The following APOBEC3D variants were observed in gnomAD, a reference collection of about 807,000 sequenced individuals.
The protein encoded by APOBEC3D is apolipoprotein B mRNA editing enzyme catalytic subunit 3D.
A neutral mutation model predicts 45.6 loss-of-function variants in APOBEC3D; 37 were observed. That is an observed-to-expected ratio of 0.81 (90% CI 0.62 to 1.07). The LOEUF is 1.07. Among genes scored for constraint, APOBEC3D ranks in the 50% least tolerant of loss-of-function variants. The probability of loss-of-function intolerance (pLI) is 0.00; values close to 1 mark genes in which losing one functional copy is unlikely to be tolerated. For missense variants in APOBEC3D, 496 were observed against 495.3 expected (o/e 1.00, Z -0.01); for synonymous variants, 175 against 180.7 (o/e 0.97, Z 0.25).
chr22:39,029,111 G>C (rs1925958605), intron 4 of APOBEC3D, among the ~76,000 whole-genome samples: 2 of 152,182 alleles, frequency 1.3e-5, no homozygotes, highest in African/African-American at 4.8e-5. Context: ...AAAACTGGGA[G>C]GTTGAGGGTG....
intron 2 of APOBEC3D, among the ~76,000 whole-genome samples, chr22:39,023,883 A>C (rs1462144289): frequency 6.6e-6 from 1 of 151,688 alleles, no homozygotes; most frequent in East Asian, 1.9e-4. Flanking sequence ...TGCCACCCCC[A>C]CTGGGGACAC....
chr22:39,033,262 T>C lies in APOBEC3D; in HGVS notation c.*946T>C. On this transcript the variant is annotated 3_prime_UTR_variant, in exon 7 of 7. Transcript: ENST00000216099. ...CTCAACCTAAATGGATATGAATATA[T>C]GTAAGTTGAAAACCAGTTTTGAGAA... 2.0e-6 allele frequency: 2 copies of C among 978,674 alleles called. No individual in the cohort carries two copies. The highest frequency in any genetic ancestry group is 2.4e-6 in the Non-Finnish European group (2 of 823,784). 60.6% of individuals were successfully genotyped at this position (978,674 alleles called of 1,614,324 possible).
rs1925272022 is a variant in APOBEC3D, at chr22:39,022,997, T to G, written c.193T>G (p.Ser65Ala). The change falls in exon 2 of 7, where the codon TCG (serine) becomes GCG (alanine). Residue 65 changes from serine to alanine, a missense_variant. Coordinates refer to ENST00000216099, the MANE Select transcript of APOBEC3D (RefSeq NM_152426.4). ...FRGPVLPKRQ[S>A]NHRQEVYFRF... ...AGGCCCGGTACTACCCAAACGTCAG[T>G]CGAATCACAGGCAGGAGGTAAGCAG... 8 of 1,598,556 alleles carry G rather than the reference T, an allele frequency of 5.0e-6. No homozygotes were observed. Among genetic ancestry groups the G allele is most frequent in the Non-Finnish European group, 6.0e-6 (7 of 1,172,580 alleles).
rs972716814 is a variant in APOBEC3D, at chr22:39,022,470, G to A, written c.18-352G>A. ...CAGAGTGAAACATCAGGAAGGAATT[G>A]AGCTGAAAGGTTAAAAGCTATCTTT... On this transcript the variant is annotated intron_variant, in intron 1 of 6. Transcript: ENST00000216099. Among the ~76,000 whole-genome samples, 19 of 152,362 alleles carry A rather than the reference G, an allele frequency of 1.2e-4. 1 individual carries two copies. Among genetic ancestry groups the A allele is most frequent in the Non-Finnish European group, 1.8e-4 (12 of 68,040 alleles).
chr22:39,030,571 T>C (rs1926110269), intron 5 of APOBEC3D, among the ~76,000 whole-genome samples: 1 of 152,136 alleles, frequency 6.6e-6, no homozygotes, highest in Non-Finnish European at 1.5e-5. Context: ...TTGTCTATTC[T>C]CACAATGAGA....
At chr22:39,032,037 G>C (rs1926275586) in intron 6 of APOBEC3D, 64 bp downstream of exon 6, 1 of 1,603,662 alleles carries the variant, frequency 6.2e-7, no homozygotes, top group South Asian at 1.1e-5. Context: ...AGGTGGGTCT[G>C]CAATGCCGTG....
At chr22:39,025,903 T>C (rs1284490768) in intron 4 of APOBEC3D, among the ~76,000 whole-genome samples, 2 of 151,970 alleles carry the variant, frequency 1.3e-5, no homozygotes, top group Non-Finnish European at 2.9e-5. Flanking sequence ...GCGACCTCCA[T>C]CCACCCCCGA....
intron 4 of APOBEC3D, 74 bp from the exon 5 acceptor site, chr22:39,029,289 G>T (rs141550709): frequency 6.5e-7 from 1 of 1,548,612 alleles, no homozygotes; most frequent in East Asian, 2.3e-5. Context: ...CTCCAGGGAC[G>T]TCCAGGGAGT....
chr22:39,024,021 C>T (rs1358820572), intron 2 of APOBEC3D, among the ~76,000 whole-genome samples: 1 of 152,062 alleles, frequency 6.6e-6, no homozygotes, highest in East Asian at 1.9e-4. Context: ...GTGCTGGCCA[C>T]GGAAACACCC....
chr22:39,031,260 A>C (rs1345505774), intron 5 of APOBEC3D, among the ~76,000 whole-genome samples: 2 of 151,648 alleles, frequency 1.3e-5, no homozygotes, highest in Non-Finnish European at 2.9e-5. Context: ...TGCACCCAGA[A>C]AAATGAAAAG....
chr22:39,023,814 C>T (rs1433580992), intron 2 of APOBEC3D, among the ~76,000 whole-genome samples: 13 of 152,192 alleles, frequency 8.5e-5, no homozygotes, highest in African/African-American at 1.2e-4. Context: ...GGCCACCGCC[C>T]GGATTCCTCC....
chr22:39,028,986 C>T (rs753094519), intron 4 of APOBEC3D, among the ~76,000 whole-genome samples: 3 of 152,066 alleles, frequency 2.0e-5, no homozygotes, highest in African/African-American at 2.4e-5. Flanking sequence ...TCATCATCAT[C>T]GGACAGGTGA....
At chr22:39,025,705 C>A (rs529621406) in intron 4 of APOBEC3D, 34 bp downstream of exon 4, 1 of 1,613,338 alleles carries the variant, frequency 6.2e-7, no homozygotes, top group African/African-American at 1.3e-5. Flanking sequence ...TCGTCTCTCT[C>A]CTCTCGCCTC....
intron 5 of APOBEC3D, among the ~76,000 whole-genome samples, chr22:39,030,154 G>T (rs1926068102): frequency 6.7e-6 from 1 of 150,024 alleles, no homozygotes; most frequent in African/African-American, 2.5e-5. Flanking sequence ...CTGTGGGCTG[G>T]TGGGGCCGCC....
chr22:39,031,938 A>G lies in APOBEC3D; in HGVS notation c.1007A>G (p.Gln336Arg). Residue 336 changes from glutamine (Q) to arginine (R), a missense_variant, in exon 6 of 7, where the codon CAG (glutamine) becomes CGG (arginine). Transcript: ENST00000216099. Reference protein sequence around the residue: ...DYQEGLCSLSQEGASVKIMGY... With the variant: ...DYQEGLCSLSREGASVKIMGY... ...CAGGAGGGGCTCTGCAGCCTGAGTC[A>G]GGAAGGGGCCTCCGTGAAGATCATG... 6.2e-7 allele frequency: 1 copy of G among 1,614,184 alleles called. No homozygotes were observed.
rs1219605443 is a variant in APOBEC3D, at chr22:39,021,201, A to G, written c.-319A>G. The G allele has an allele frequency of 2.7e-5, 7 of 259,450 alleles. No homozygotes were observed. Among genetic ancestry groups the G allele is most frequent in the African/African-American group, 9.2e-5 (4 of 43,584 alleles). 16.1% of individuals were successfully genotyped at this position (259,450 alleles called of 1,614,324 possible). A position where few individuals can be genotyped will look rare whatever the true frequency, so the allele number is the denominator to read the frequency against. On this transcript the variant is annotated 5_prime_UTR_variant, in exon 1 of 7. Coordinates refer to ENST00000216099, the MANE Select transcript of APOBEC3D (RefSeq NM_152426.4). ...TGGCTCACTGCAACCTCCGCTTCCCAGGTTCAAGTGATTCTCCTGCCTCAG... is the reference window on the plus strand; with the variant it reads ...TGGCTCACTGCAACCTCCGCTTCCCGGGTTCAAGTGATTCTCCTGCCTCAG...
In APOBEC3D at chr22:39,025,567, C is replaced by T. The variant is rs1422367913; in HGVS notation, c.501C>T (p.Tyr167=). 6 of 1,614,016 alleles carry T rather than the reference C, an allele frequency of 3.7e-6. No individual in the cohort carries two copies. The highest frequency in any genetic ancestry group is 2.5e-6 in the Non-Finnish European group (3 of 1,180,016). Residue 167 remains tyrosine, a synonymous_variant, in exon 4 of 7, where the codon TAC becomes TAT. Transcript: ENST00000216099. ...VKIMDYEDFA[Y]CWENFVCNEG... ...ACCTCTTCATCTCAGACTTTGCATA[C>T]TGCTGGGAAAACTTTGTGTGCAATG...
In APOBEC3D at chr22:39,032,759, A is replaced by ATTTTTTTTTTTTTTT; in HGVS notation, c.*456_*470dup. The ATTTTTTTTTTTTTTT allele has an allele frequency of 2.1e-5, 2 of 96,030 alleles. No individual in the cohort carries two copies. The highest frequency in any genetic ancestry group is 3.6e-5 in the Non-Finnish European group (2 of 56,054). 5.9% of individuals were successfully genotyped at this position (96,030 alleles called of 1,614,324 possible). A position where few individuals can be genotyped will look rare whatever the true frequency, so the allele number is the denominator to read the frequency against. ...AGATGCCTGCCACCACGCCCAGCTA[A>ATTTTTTTTTTTTTTT]TTTTTTTTTTTTTTTTTTTTTTTTT... is the stretch of plus-strand genomic sequence containing the variant. On this transcript the variant is annotated 3_prime_UTR_variant, in exon 7 of 7. Coordinates refer to ENST00000216099, the MANE Select transcript of APOBEC3D (RefSeq NM_152426.4).
At position 39,033,140 on chromosome 22, in the gene APOBEC3D, C is replaced by T. The variant is rs761224512; in HGVS notation, c.*824C>T. Reference sequence around the variant, plus strand: ...GATGAAGTGGGAGGACTGCTTGAGCCGGGGAGGTGGAGGCTGGAGTAAACT... The same window carrying T: ...GATGAAGTGGGAGGACTGCTTGAGCTGGGGAGGTGGAGGCTGGAGTAAACT... On this transcript the variant is annotated 3_prime_UTR_variant, in exon 7 of 7. Coordinates refer to ENST00000216099, the MANE Select transcript of APOBEC3D (RefSeq NM_152426.4). 4.2e-5 allele frequency: 16 copies of T among 383,714 alleles called. No individual in the cohort carries two copies. In the South Asian group the frequency reaches 9.8e-4, roughly 23 times the overall value. The allele number at this position is 383,714 out of a possible 1,614,324, so 23.8% of individuals were successfully genotyped here. A position where few individuals can be genotyped will look rare whatever the true frequency, so the allele number is the denominator to read the frequency against.
Sources: allele counts gnomAD v4.1 joint callset (sites outside exome capture counted in the v4.1 genomes callset), GRCh38; gene constraint gnomAD v4.1.1; transcripts MANE v1.5; gene names NCBI Gene and HGNC (gene_info 2026-07-23, HGNC 2026-07-21).